Variants in SUMF1 observed in about 807,000 individuals in gnomAD.
SUMF1 encodes sulfatase modifying factor 1, also known as formylglycine-generating enzyme.
A neutral mutation model predicts 47.6 loss-of-function variants in SUMF1; 48 were observed. The observed-to-expected ratio is 1.01, with a 90% CI of 0.80 to 1.28. The LOEUF is 1.28. Ranked by LOEUF, SUMF1 falls within the 50% of genes most tolerant of loss-of-function variation. SUMF1 has a pLI of 0.00. For missense variants in SUMF1, 571 were observed against 485.4 expected, an observed-to-expected ratio of 1.18 and a Z score of -1.66; for synonymous variants, 230 against 192.1, an observed-to-expected ratio of 1.20 and a Z score of -1.63.
At chr3:4,378,939 C>A (rs1700412402) in intron 7 of SUMF1, among the ~76,000 whole-genome samples, 1 of 152,178 alleles carries the variant, frequency 6.6e-6, no homozygotes. Context: ...TGCCTTTCAT[C>A]ATCAACTTCA....
chr3:4,271,139 C>T (rs1225932741), intron 8 of SUMF1, among the ~76,000 whole-genome samples: 2 of 152,150 alleles, frequency 1.3e-5, no homozygotes, highest in Non-Finnish European at 2.9e-5. Context: ...TGCTAATACC[C>T]ACCACCAATC....
intron 8 of SUMF1, among the ~76,000 whole-genome samples, chr3:4,120,577 T>C (rs957744705): frequency 4.6e-5 from 7 of 152,138 alleles, no homozygotes; most frequent in Middle Eastern, 3.4e-3. Context: ...ATTACACCTA[T>C]GGGAAATTCA....
rs944969456 is a variant in SUMF1 at position 4,150,850 on chromosome 3, G to C, written c.1015-82105C>G. On this transcript the variant is annotated intron_variant and NMD_transcript_variant, in intron 8 of 12. Coordinates refer to the SUMF1 transcript ENST00000448413. Reference sequence around the variant, plus strand: ...CTTCTGTTCTTAGGAGCTCAGGGAGGTAGCAACCAGATAGGAGGAGACCCC... The same window carrying C: ...CTTCTGTTCTTAGGAGCTCAGGGAGCTAGCAACCAGATAGGAGGAGACCCC... 6.6e-5 allele frequency among the ~76,000 whole-genome samples: 10 copies of C among 151,560 alleles called. No homozygotes were observed. In the East Asian group the frequency reaches 1.4e-3, roughly 21 times the overall value.
At chr3:4,230,639 G>A (rs1323620490) in intron 8 of SUMF1, among the ~76,000 whole-genome samples, 1 of 152,062 alleles carries the variant, frequency 6.6e-6, no homozygotes, top group Non-Finnish European at 1.5e-5. Context: ...ACCTAGGTAT[G>A]ACTGATTAAA....
rs1237133805 is a variant in SUMF1 at position 4,371,520 on chromosome 3, C to A, written c.1014+4810G>T. 2.0e-5 allele frequency among the ~76,000 whole-genome samples: 3 copies of A among 152,148 alleles called. No individual in the cohort carries two copies. The East Asian group carries it at 5.8e-4, about 29-fold the overall frequency. ...TTAAACGAAATCATTATAGAGAATG[C>A]CACAACAGAACAGAGGTCTCAATTT... is the stretch of plus-strand genomic sequence containing the variant. On this transcript the variant is annotated intron_variant, in intron 8 of 8. Coordinates refer to ENST00000272902, the MANE Select transcript of SUMF1 (RefSeq NM_182760.4).
intron 8 of SUMF1, among the ~76,000 whole-genome samples, chr3:4,074,304 A>T (rs1185252709): frequency 1.3e-5 from 2 of 152,210 alleles, no homozygotes; most frequent in Non-Finnish European, 2.9e-5. Context: ...GAACAAAGAC[A>T]TGACGTACCA....
chr3:4,105,897 AT>A (rs1399296703), intron 8 of SUMF1, among the ~76,000 whole-genome samples: 2 of 152,134 alleles, frequency 1.3e-5, no homozygotes, highest in African/African-American at 4.8e-5. Context: ...TATGTGGTTT[AT>A]TTAATAAACT....
intron 9 of SUMF1, among the ~76,000 whole-genome samples, chr3:4,051,310 G>A (rs1275654616): frequency 6.6e-6 from 1 of 151,970 alleles, no homozygotes; most frequent in African/African-American, 2.4e-5. Context: ...ATAGGGCCTG[G>A]TGCAGGATCA....
At chr3:4,173,858 A>T (rs1694891632) in intron 8 of SUMF1, among the ~76,000 whole-genome samples, 1 of 152,134 alleles carries the variant, frequency 6.6e-6, no homozygotes, top group African/African-American at 2.4e-5. Context: ...GGAGGGGAAC[A>T]TCACACACGA....
In SUMF1 at chr3:4,457,038, GTATATATATATACGTGTGTGTATA is replaced by G. The variant is rs374637488; in HGVS notation, c.271-4013_271-3990del. On this transcript the variant is annotated intron_variant, in intron 1 of 8. Transcript: ENST00000272902. ...TGTGTACATATATATACGTGTGTGT[GTATATATATATACGTGTGTGTATA>G]TATATATATATACGTGTGTGTATAT... 1.4e-3 allele frequency among the ~76,000 whole-genome samples: 157 copies of G among 109,246 alleles called. 7 individuals carry two copies. Among genetic ancestry groups the G allele is most frequent in the Non-Finnish European group, 2.2e-3 (105 of 48,250 alleles). 71.7% of individuals were successfully genotyped at this position (109,246 alleles called of 152,430 possible).
intron 8 of SUMF1, among the ~76,000 whole-genome samples, chr3:4,287,391 T>A (rs961172980): frequency 1.4e-5 from 2 of 141,020 alleles, no homozygotes; most frequent in Non-Finnish European, 3.1e-5. Context: ...TTTAGAAGAA[T>A]AATGAACATA....
At chr3:4,296,306 TAAAA>T (rs10662776) in intron 8 of SUMF1, among the ~76,000 whole-genome samples, 2 of 143,572 alleles carry the variant, frequency 1.4e-5, no homozygotes, top group Admixed American at 7.0e-5. Context: ...GCAAAATAGT[TAAAA>T]AAAAAAAAAA....
intron 8 of SUMF1, among the ~76,000 whole-genome samples, chr3:4,298,090 A>G (rs1009863741): frequency 2.0e-5 from 3 of 152,148 alleles, no homozygotes; most frequent in Admixed American, 6.5e-5. Flanking sequence ...TGCCAGTGAA[A>G]AATCCAAAAG....
At chr3:4,149,335 T>C (rs1287031301) in intron 8 of SUMF1, among the ~76,000 whole-genome samples, 1 of 152,138 alleles carries the variant, frequency 6.6e-6, no homozygotes, top group Non-Finnish European at 1.5e-5. Flanking sequence ...GAGGGATTTT[T>C]CAAAGGTAAT....
chr3:4,407,703 T>G (rs1432048129), intron 7 of SUMF1, among the ~76,000 whole-genome samples: 1 of 152,208 alleles, frequency 6.6e-6, no homozygotes, highest in Non-Finnish European at 1.5e-5. Context: ...CTACCACAGC[T>G]GTGAAGAATT....
intron 9 of SUMF1, among the ~76,000 whole-genome samples, chr3:4,059,214 C>T (rs1467512597): frequency 6.6e-6 from 1 of 152,138 alleles, no homozygotes; most frequent in African/African-American, 2.4e-5. Flanking sequence ...CATAGATGGA[C>T]AGATACTATC....
intron 8 of SUMF1, among the ~76,000 whole-genome samples, chr3:4,228,776 T>A (rs1357434587): frequency 6.6e-6 from 1 of 152,048 alleles, no homozygotes; most frequent in East Asian, 1.9e-4. Context: ...TAGTTAGTAA[T>A]AAAAGTACCC....
intron 8 of SUMF1, among the ~76,000 whole-genome samples, chr3:4,119,130 G>C (rs1693483410): frequency 6.6e-6 from 1 of 152,066 alleles, no homozygotes; most frequent in African/African-American, 2.4e-5. Flanking sequence ...ACAACCATAA[G>C]GTCACTCTCA....
At chr3:4,463,709 A>G (rs1575260193) in intron 1 of SUMF1, among the ~76,000 whole-genome samples, 1 of 152,324 alleles carries the variant, frequency 6.6e-6, no homozygotes, top group East Asian at 1.9e-4. Context: ...ACAGGAAATC[A>G]AGACTGACTT....
Sources: allele counts gnomAD v4.1 joint callset (sites outside exome capture counted in the v4.1 genomes callset), GRCh38; gene constraint gnomAD v4.1.1; transcripts MANE v1.5; gene names NCBI Gene and HGNC (gene_info 2026-07-23, HGNC 2026-07-21).